The following DCDC2 variants were observed in gnomAD, a reference collection of about 807,000 sequenced individuals.
DCDC2 encodes doublecortin domain containing 2.
A neutral mutation model predicts 50.2 loss-of-function variants in DCDC2; 40 were observed. That is an observed-to-expected ratio of 0.80 (90% CI 0.62 to 1.04). DCDC2 has a LOEUF of 1.04. Ranked by LOEUF, DCDC2 falls within the 50% of genes least tolerant of loss-of-function variation. The probability of loss-of-function intolerance (pLI) is 0.00; values close to 1 mark genes in which losing one functional copy is unlikely to be tolerated. For missense variants in DCDC2, 570 were observed against 581.9 expected, an observed-to-expected ratio of 0.98 and a Z score of 0.21; for synonymous variants, 234 against 210.6, an observed-to-expected ratio of 1.11 and a Z score of -0.96.
At chr6:24,324,261 T>C (rs1330952647) in intron 2 of DCDC2, among the ~76,000 whole-genome samples, 1 of 152,166 alleles carries the variant, frequency 6.6e-6, no homozygotes, top group Non-Finnish European at 1.5e-5. Flanking sequence ...AGTTTAAAAC[T>C]GTCAATGGCC....
At chr6:24,376,689 T>C in the DCDC2 span, among the ~76,000 whole-genome samples, 2 of 116,944 alleles carry the variant, frequency 1.7e-5, no homozygotes, top group Non-Finnish European at 3.2e-5. Context: ...ACCTCCAGTA[T>C]GAAAATATAG....
chr6:24,382,449 CT>C, the DCDC2 span, among the ~76,000 whole-genome samples: 2 of 152,028 alleles, frequency 1.3e-5, no homozygotes, highest in African/African-American at 4.8e-5. Flanking sequence ...CAGTCAATGC[CT>C]TTTTTCCCCC....
chr6:24,186,126 GAAGT>G (rs1446880943), intron 8 of DCDC2, among the ~76,000 whole-genome samples: 1 of 152,200 alleles, frequency 6.6e-6, no homozygotes, highest in African/African-American at 2.4e-5. Context: ...AATACTTGCA[GAAGT>G]AATACGAATG....
rs535268744 is a variant in DCDC2 at position 24,237,882 on chromosome 6, A to C, written c.923-32780T>G. ...GGAGCTGAACATTGAGTATGCATAGACATAAAGATGGGAACAACAGACACT... is the reference window on the plus strand; with the variant it reads ...GGAGCTGAACATTGAGTATGCATAGCCATAAAGATGGGAACAACAGACACT... On this transcript the variant is annotated intron_variant, in intron 7 of 9. Transcript: ENST00000378454. 5.9e-5 allele frequency among the ~76,000 whole-genome samples: 9 copies of C among 151,786 alleles called. No homozygotes were observed. The East Asian group carries it at 1.8e-3, about 30-fold the overall frequency.
intron 7 of DCDC2, among the ~76,000 whole-genome samples, chr6:24,240,338 G>A (rs1157850743): frequency 6.6e-6 from 1 of 152,162 alleles, no homozygotes; most frequent in Non-Finnish European, 1.5e-5. Context: ...TGAACACTGA[G>A]TTTATTCCAG....
the DCDC2 span, among the ~76,000 whole-genome samples, chr6:24,383,195 G>C: frequency 7.3e-3 from 1,104 of 152,018 alleles, 7 homozygotes; most frequent in African/African-American, 0.025. Context: ...GCGTGGTGGC[G>C]CATGCCTGTA....
chr6:24,258,578 A>C (rs1417413), intron 7 of DCDC2, among the ~76,000 whole-genome samples: 10,740 of 152,178 alleles, frequency 0.071, 635 homozygotes, highest in East Asian at 0.25. Flanking sequence ...AGCTGGCTTC[A>C]CCTCTCCGTA....
At chr6:24,352,482 C>A (rs191833486) in intron 2 of DCDC2, among the ~76,000 whole-genome samples, 1 of 152,280 alleles carries the variant, frequency 6.6e-6, no homozygotes, top group Admixed American at 6.5e-5. Flanking sequence ...CTATCACTTT[C>A]ATGACTAATC....
intron 4 of DCDC2, among the ~76,000 whole-genome samples, chr6:24,297,580 T>C (rs563095444): frequency 6.6e-6 from 1 of 152,352 alleles, no homozygotes; most frequent in East Asian, 1.9e-4. Flanking sequence ...AATTTTTTCA[T>C]ATTAATATAT....
In DCDC2 at chr6:24,265,770, G is replaced by T. The variant is rs189558308; in HGVS notation, c.922+12279C>A. Among the ~76,000 whole-genome samples, 9 of 151,236 alleles carry T rather than the reference G, an allele frequency of 6.0e-5. No homozygotes were observed. The East Asian group carries it at 1.7e-3, about 29-fold the overall frequency. ...GATATAGCGAAGGCAGTACTAAGAG[G>T]AAAGTTGATAGATGTAAGTGCCTAC... On this transcript the variant is annotated intron_variant, in intron 7 of 9. Transcript: ENST00000378454.
chr6:24,381,385 C>G, the DCDC2 span, among the ~76,000 whole-genome samples: 2 of 152,140 alleles, frequency 1.3e-5, no homozygotes, highest in East Asian at 3.9e-4. Context: ...GAGATCAATA[C>G]TGTAAGATCT....
chr6:24,377,602 C>T, the DCDC2 span, among the ~76,000 whole-genome samples: 1 of 152,320 alleles, frequency 6.6e-6, no homozygotes, highest in African/African-American at 2.4e-5. Context: ...TTGGTTTCAT[C>T]ACTTAAGCTG....
At chr6:24,312,848 G>A (rs1759597821) in intron 2 of DCDC2, among the ~76,000 whole-genome samples, 1 of 152,126 alleles carries the variant, frequency 6.6e-6, no homozygotes, top group Admixed American at 6.5e-5. Flanking sequence ...CAGATGATAT[G>A]CTATTCAAAA....
Position 24,227,804 on chromosome 6 carries a change from C to T in DCDC2, c.923-22702G>A, listed in dbSNP as rs115738426. Among the ~76,000 whole-genome samples the T allele has an allele frequency of 3.1e-3, 479 of 152,288 alleles. 3 individuals are homozygous for T. The highest frequency in any genetic ancestry group is 5.4e-3 in the Non-Finnish European group (365 of 68,026). ...GACCAATATTCACAATGACTGTCTC[C>T]CGATTAATCTGGTAAACAGAAGGGG... On this transcript the variant is annotated intron_variant, in intron 7 of 9. Transcript: ENST00000378454.
At chr6:24,220,870 A>AGAGAGAGAC (rs1554146303) in intron 7 of DCDC2, among the ~76,000 whole-genome samples, 2 of 127,116 alleles carry the variant, frequency 1.6e-5, no homozygotes, top group African/African-American at 7.3e-5. Flanking sequence ...GACAGAGAGC[A>AGAGAGAGAC]AGAGAGCGAG....
intron 2 of DCDC2, among the ~76,000 whole-genome samples, chr6:24,332,866 T>A (rs1759990788): frequency 6.6e-6 from 1 of 152,078 alleles, no homozygotes; most frequent in African/African-American, 2.4e-5. Context: ...TAAAAATGAG[T>A]ATAAACAGGC....
At chr6:24,192,819 T>C (rs774778268) in intron 8 of DCDC2, among the ~76,000 whole-genome samples, 2 of 151,774 alleles carry the variant, frequency 1.3e-5, no homozygotes, top group African/African-American at 2.4e-5. Context: ...CTGGAAACAG[T>C]AGGGAAAGGA....
At chr6:24,364,942 A>G in the DCDC2 span, among the ~76,000 whole-genome samples, 5 of 152,294 alleles carry the variant, frequency 3.3e-5, no homozygotes, top group Admixed American at 2.0e-4. Context: ...TTTTCCTTAA[A>G]AAGTGTCACC....
intron 4 of DCDC2, among the ~76,000 whole-genome samples, chr6:24,293,032 C>T (rs1581636133): frequency 6.6e-6 from 1 of 152,154 alleles, no homozygotes; most frequent in African/African-American, 2.4e-5. Flanking sequence ...AATTAAAAAC[C>T]AGCATAGCTG....
Sources: gnomAD v4.1 joint callset for allele counts (sites outside exome capture counted in the v4.1 genomes callset) on GRCh38, gnomAD v4.1.1 for gene constraint, MANE v1.5 for transcripts, NCBI Gene and HGNC (gene_info 2026-07-23, HGNC 2026-07-21) for gene names.